Variants in UNC80 observed in about 807,000 individuals in gnomAD.
The protein encoded by UNC80 is unc-80 subunit of NALCN channel complex, also known as protein unc-80 homolog.
In UNC80, 164 loss-of-function variants were observed where a neutral mutation model predicts 384.6. The observed-to-expected ratio is 0.43, with a 90% CI of 0.38 to 0.49. UNC80 has a LOEUF of 0.49. Ranked by LOEUF, UNC80 falls within the 20% of genes least tolerant of loss-of-function variation. UNC80 has a pLI of 0.00. For missense variants in UNC80, 3,330 were observed against 4,143.0 expected (o/e 0.80, Z 5.39); for synonymous variants, 1,486 against 1,527.8 (o/e 0.97, Z 0.64).
intron 22 of UNC80, among the ~76,000 whole-genome samples, chr2:209,866,533 C>CACACACACACAGAG (rs1307214321): frequency 9.6e-6 from 1 of 104,138 alleles, no homozygotes; most frequent in South Asian, 3.2e-4. Context: ...CACACACACA[C>CACACACACACAGAG]AGAGAGAGAG....
chr2:209,974,759 G>A (rs2092967502), intron 56 of UNC80, among the ~76,000 whole-genome samples: 1 of 152,208 alleles, frequency 6.6e-6, no homozygotes. Flanking sequence ...AAGTGACAGA[G>A]CTAGAATGAG....
chr2:209,954,246 T>C lies in UNC80; in HGVS notation c.7433T>C (p.Leu2478Ser). The C allele has an allele frequency of 6.4e-7, 1 of 1,550,906 alleles. No individual in the cohort carries two copies. The highest frequency in any genetic ancestry group is 1.2e-5 in the South Asian group (1 of 83,950). The change falls in exon 48 of 65, where the codon TTG becomes TCG. Residue 2478 changes from leucine (L) to serine (S), a missense_variant. Leu to Ser is a moderately radical substitution (Grantham distance 145). This residue lies in a region of UNC80 where 1,049 missense variants were observed against 1,488.6 expected (regional missense o/e 0.70). Transcript: ENST00000673920. ...AALATSLQAL[L>S]YSVEVLTRPM... ...CTTGCGACGTCCCTACAGGCCCTTT[T>C]GTACAGTGTAGAGGTCCTCACCAGG...
intron 18 of UNC80, among the ~76,000 whole-genome samples, chr2:209,835,387 T>C (rs538608093): frequency 6.6e-6 from 1 of 152,364 alleles, no homozygotes; most frequent in Admixed American, 6.5e-5. Flanking sequence ...GCTGTCAATA[T>C]ACTTAATGAA....
At chr2:209,979,168 G>A (rs887692989) in intron 59 of UNC80, among the ~76,000 whole-genome samples, 2 of 152,180 alleles carry the variant, frequency 1.3e-5, no homozygotes, top group Admixed American at 1.3e-4. Flanking sequence ...GGAACCACTT[G>A]AACCCGGGAG....
In UNC80 at chr2:209,996,790, G is replaced by C. The variant is rs1196525899; in HGVS notation, c.*1195G>C. The C allele has an allele frequency of 6.6e-6, 1 of 152,080 alleles. No individual in the cohort carries two copies. Among genetic ancestry groups the C allele is most frequent in the African/African-American group, 2.4e-5 (1 of 41,432 alleles). The allele number at this position is 152,080 out of a possible 1,614,324, so 9.4% of individuals were successfully genotyped here. The stretch of plus-strand genomic sequence containing the variant: ...GCTGTGCATCACGTGGTTCACAATT[G>C]AATTTCAAAATTTTAACAGTTTACA... On this transcript the variant is annotated 3_prime_UTR_variant, in exon 65 of 65. Transcript: ENST00000673920.
In UNC80 at chr2:209,926,867, C is replaced by T. The variant is rs1223556541; in HGVS notation, c.5687C>T (p.Thr1896Met). The T allele has an allele frequency of 2.0e-5, 31 of 1,552,066 alleles. No homozygotes were observed. The highest frequency in any genetic ancestry group is 4.9e-5 in the East Asian group (2 of 40,922). The change falls in exon 36 of 65, where the codon ACG (threonine) becomes ATG (methionine). Residue 1896 changes from threonine (T) to methionine (M), a missense_variant. By Grantham distance (81) the Thr-to-Met change is moderately conservative (BLOSUM62 -1). Coordinates refer to ENST00000673920, the MANE Select transcript of UNC80 (RefSeq NM_001371986.1). The stretch of plus-strand genomic sequence containing the variant: ...GATGAGGAACATACCACTGAACACA[C>T]GCCGAACCACCATGTGCCTCAGCCC... ...AEDEEHTTEH[T>M]PNHHVPQPPQ... is the part of the protein sequence containing the mutation.
intron 58 of UNC80, among the ~76,000 whole-genome samples, chr2:209,977,874 A>G (rs1559428973): frequency 6.6e-6 from 1 of 152,212 alleles, no homozygotes. Context: ...AATATGTGAT[A>G]GGTTTTCTTT....
chr2:209,844,544 CTTCCTTTT>C (rs2082038465), intron 21 of UNC80, among the ~76,000 whole-genome samples: 1 of 113,366 alleles, frequency 8.8e-6, no homozygotes, highest in Non-Finnish European at 1.8e-5. Context: ...TCCTTCCTTC[CTTCCTTTT>C]TCTTTCCAAA....
chr2:209,995,784 C>G lies in UNC80; in HGVS notation c.*189C>G. On this transcript the variant is annotated 3_prime_UTR_variant, in exon 65 of 65. Coordinates refer to ENST00000673920, the MANE Select transcript of UNC80 (RefSeq NM_001371986.1). ...TCATAAACATCTTAAAAGTCAATGG[C>G]TAAAAGGATTTAGTTGTGTGAAAAT... 1 of 640,822 alleles carries G rather than the reference C, an allele frequency of 1.6e-6. No homozygotes were observed. The highest frequency in any genetic ancestry group is 2.6e-6 in the Non-Finnish European group (1 of 389,480). 39.7% of individuals were successfully genotyped at this position (640,822 alleles called of 1,614,324 possible).
chr2:209,854,281 T>C (rs1463496397), intron 22 of UNC80, among the ~76,000 whole-genome samples: 1 of 150,876 alleles, frequency 6.6e-6, no homozygotes, highest in African/African-American at 2.5e-5. Flanking sequence ...CCTCTTAATC[T>C]AGTGGTAATG....
rs1305712614 is a variant in UNC80 at position 209,917,966 on chromosome 2, A to C, written c.5211+8A>C. ...GCACAGCAGATTTTTAAGGTGAGGG[A>C]TACTTCTCACAGAGGAGTTACATTA... is the stretch of plus-strand genomic sequence containing the variant. On this transcript the variant is annotated splice_region_variant and intron_variant, in intron 32 of 64. Transcript: ENST00000673920. 2.6e-6 allele frequency: 4 copies of C among 1,551,126 alleles called. No homozygotes were observed. In the African/African-American group the frequency reaches 5.5e-5, roughly 21 times the overall value.
At position 209,813,812 on chromosome 2, in the gene UNC80, C is replaced by A. The variant is rs774259406; in HGVS notation, c.1171C>A (p.Pro391Thr). Residue 391 changes from proline to threonine, a missense_variant, in exon 8 of 65, where the codon CCC becomes ACC. By Grantham distance (38) the Pro-to-Thr change is conservative (BLOSUM62 -1). Coordinates refer to ENST00000673920, the MANE Select transcript of UNC80 (RefSeq NM_001371986.1). ...PRSSSMVAAA[P>T]SLVNTHKTQD... ...GAGTAGCTCCATGGTGGCAGCAGCT[C>A]CCTCACTAGTGAACACCCACAAAAC... The A allele has an allele frequency of 1.3e-6, 2 of 1,552,186 alleles. No individual in the cohort carries two copies. Among genetic ancestry groups the A allele is most frequent in the Admixed American group, 2.0e-5 (1 of 51,010 alleles).
At chr2:209,927,104 CATATT>C in intron 36 of UNC80, 118 bp downstream of exon 36, 2 of 1,096,818 alleles carry the variant, frequency 1.8e-6, no homozygotes, top group Non-Finnish European at 2.6e-6. Context: ...GTTTTATGCA[CATATT>C]ATAATTACAG....
At chr2:209,818,303 C>A (rs530758553) in intron 11 of UNC80, among the ~76,000 whole-genome samples, 1 of 151,480 alleles carries the variant, frequency 6.6e-6, no homozygotes, top group Non-Finnish European at 1.5e-5. Flanking sequence ...ATACCTTCAG[C>A]GGGAGGAAAG....
At chr2:209,937,438 C>T in intron 41 of UNC80, 91 bp from the exon 42 acceptor site, 1 of 945,782 alleles carries the variant, frequency 1.1e-6, no homozygotes, top group South Asian at 1.5e-5. Flanking sequence ...GCATAGCATC[C>T]TAGTGCTTAG....
intron 52 of UNC80, chr2:209,968,654 G>C (rs550877279): frequency 2.6e-4 from 39 of 152,082 alleles, no homozygotes; most frequent in Non-Finnish European, 5.1e-4. Context: ...TTTCTTTAGT[G>C]ATCCCAATAG....
At chr2:209,774,764 C>A (rs2153824498) in intron 2 of UNC80, among the ~76,000 whole-genome samples, 1 of 152,202 alleles carries the variant, frequency 6.6e-6, no homozygotes, top group African/African-American at 2.4e-5. Flanking sequence ...AGGCCTTTAT[C>A]TAGTTTCTTA....
intron 22 of UNC80, among the ~76,000 whole-genome samples, chr2:209,863,713 G>A (rs1165148316): frequency 2.0e-5 from 3 of 151,756 alleles, no homozygotes; most frequent in African/African-American, 7.3e-5. Flanking sequence ...CTCTAAACTG[G>A]TTATTCTAGT....
chr2:209,881,648 CACAT>C (rs1174478733), intron 25 of UNC80, among the ~76,000 whole-genome samples: 1 of 152,068 alleles, frequency 6.6e-6, no homozygotes, highest in Non-Finnish European at 1.5e-5. Context: ...CACACACACA[CACAT>C]GCGTGCATGC....
Sources: allele counts gnomAD v4.1 joint callset (sites outside exome capture counted in the v4.1 genomes callset), GRCh38; gene constraint gnomAD v4.1.1; regional missense constraint gnomAD v4.1.1; transcripts MANE v1.5; gene names NCBI Gene and HGNC (gene_info 2026-07-23, HGNC 2026-07-21).